Variants in ATAD2B observed in about 807,000 individuals in gnomAD.
ATAD2B encodes the protein ATPase family AAA domain containing 2B.
In ATAD2B, 40 loss-of-function variants were observed where a neutral mutation model predicts 167.6. The ratio of observed to expected loss-of-function variants is 0.24; its 90% confidence interval spans 0.19 to 0.31. The LOEUF is 0.31. ATAD2B is among the 10% of genes least tolerant of loss of function. The probability of loss-of-function intolerance (pLI) is 1.00; values close to 1 mark genes in which losing one functional copy is unlikely to be tolerated. For synonymous variants in ATAD2B, 579 were observed against 596.5 expected (o/e 0.97, Z 0.43); for missense variants, 1,242 against 1,757.2 (o/e 0.71, Z 5.24).
intron 8 of ATAD2B, among the ~76,000 whole-genome samples, chr2:23,875,336 C>A (rs571747850): frequency 2.3e-4 from 35 of 151,970 alleles, no homozygotes; most frequent in African/African-American, 8.4e-4. Flanking sequence ...TCTATCTCTA[C>A]TAAAAATATG....
chr2:23,730,086 A>G, the ATAD2B span, among the ~76,000 whole-genome samples: 1 of 152,208 alleles, frequency 6.6e-6, no homozygotes, highest in Admixed American at 6.5e-5. Context: ...CAATGACAAC[A>G]GAATACACAG....
chr2:23,872,841 T>C, intron 8 of ATAD2B: 1 of 972,118 alleles, frequency 1.0e-6, no homozygotes, highest in Non-Finnish European at 1.7e-6. Context: ...TGCACTGAGG[T>C]GAAGCAGATG....
rs1284308331 is a variant in ATAD2B at position 23,751,216 on chromosome 2, A to AT, written c.*829dup. ...TTTTTTTGTGTGTGGACTGTGTATTATTCTTTGTTGTTATTCATGTTTCTT... is the reference window on the plus strand; with the variant it reads ...TTTTTTTGTGTGTGGACTGTGTATTATTTCTTTGTTGTTATTCATGTTTCTT... On this transcript the variant is annotated 3_prime_UTR_variant, in exon 28 of 28. Transcript: ENST00000238789. The AT allele has an allele frequency of 1.3e-5, 2 of 152,060 alleles. No individual in the cohort carries two copies. The highest frequency in any genetic ancestry group is 2.9e-5 in the Non-Finnish European group (2 of 67,966). The allele number at this position is 152,060 out of a possible 1,614,324, so 9.4% of individuals were successfully genotyped here. A position where few individuals can be genotyped will look rare whatever the true frequency, so the allele number is the denominator to read the frequency against.
chr2:23,718,934 T>C, the ATAD2B span, among the ~76,000 whole-genome samples: 1 of 152,216 alleles, frequency 6.6e-6, no homozygotes, highest in Non-Finnish European at 1.5e-5. Context: ...TCCTTGTGAT[T>C]ACACTGGGCC....
the ATAD2B span, among the ~76,000 whole-genome samples, chr2:23,723,009 T>C: frequency 4.3e-4 from 65 of 152,056 alleles, no homozygotes; most frequent in Non-Finnish European, 8.7e-4. Context: ...AATGGGCAAA[T>C]AGCCAGGTAC....
intron 8 of ATAD2B, among the ~76,000 whole-genome samples, chr2:23,873,279 A>C (rs115015698): frequency 4.8e-4 from 73 of 152,324 alleles, no homozygotes; most frequent in Non-Finnish European, 9.6e-4. Flanking sequence ...TTCAGATAGT[A>C]AACTGAATGC....
At chr2:23,736,748 A>AC in the ATAD2B span, among the ~76,000 whole-genome samples, 2 of 152,154 alleles carry the variant, frequency 1.3e-5, no homozygotes, top group African/African-American at 4.8e-5. Context: ...GTGAGACACC[A>AC]CCTCACCCAG....
intron 17 of ATAD2B, chr2:23,811,195 T>C (rs1195622664): frequency 6.6e-6 from 1 of 152,222 alleles, no homozygotes; most frequent in Non-Finnish European, 1.5e-5. Flanking sequence ...ATCTCACTTT[T>C]TGACAAAGAG....
the ATAD2B span, among the ~76,000 whole-genome samples, chr2:23,702,468 ACTGT>A: frequency 6.6e-6 from 1 of 152,158 alleles, no homozygotes; most frequent in African/African-American, 2.4e-5. Context: ...TAAGTCGGGG[ACTGT>A]CTGCACTATA....
At chr2:23,732,517 A>G in the ATAD2B span, among the ~76,000 whole-genome samples, 2 of 152,362 alleles carry the variant, frequency 1.3e-5, no homozygotes, top group South Asian at 4.1e-4. Context: ...TAGTGGTTAC[A>G]TCTTATAAAT....
chr2:23,759,505 A>C (rs1341712945), intron 24 of ATAD2B, among the ~76,000 whole-genome samples: 2 of 152,200 alleles, frequency 1.3e-5, no homozygotes, highest in African/African-American at 4.8e-5. Flanking sequence ...TTTCATCTTT[A>C]ATTCCTGCTG....
chr2:23,891,802 CCT>C (rs774258454), intron 2 of ATAD2B, among the ~76,000 whole-genome samples: 9 of 151,896 alleles, frequency 5.9e-5, no homozygotes, highest in Non-Finnish European at 1.3e-4. Flanking sequence ...TGCACCTAAC[CCT>C]GTTTCCTGAA....
At chr2:23,781,342 AAATAAATAAAT>A (rs1268602268) in intron 22 of ATAD2B, among the ~76,000 whole-genome samples, 153 of 123,718 alleles carry the variant, frequency 1.2e-3, no homozygotes, top group African/African-American at 7.3e-3. Context: ...AAAAATAAAT[AAATAAATAAAT>A]AAATAAATAA....
At chr2:23,858,974 A>G (rs1022641898) in intron 12 of ATAD2B, among the ~76,000 whole-genome samples, 3 of 152,316 alleles carry the variant, frequency 2.0e-5, no homozygotes, top group South Asian at 2.1e-4. Context: ...AATATAATAA[A>G]TCCTAAAAGT....
At position 23,754,703 on chromosome 2, in the gene ATAD2B, G is replaced by A. The variant is rs1572626247; in HGVS notation, c.4150C>T (p.Pro1384Ser). 1 of 1,613,106 alleles carries A rather than the reference G, an allele frequency of 6.2e-7. No homozygotes were observed. The highest frequency in any genetic ancestry group is 1.3e-5 in the African/African-American group (1 of 74,964). ...QAKTTSLELV[P>S]EEPSEPVPPL... is the part of the protein sequence containing the mutation. ...GGCACAGGCTCAGATGGCTCTTCTG[G>A]AACCAGTTCCAGGCTTGTCGTTTTT... Residue 1384 changes from proline (P) to serine (S), a missense_variant, in exon 26 of 28, where the codon CCA (proline) becomes TCA (serine). By Grantham distance (74) the Pro-to-Ser change is moderately conservative. Around this residue, in one of 9 missense-constraint regions of ATAD2B, gnomAD observed 282 missense variants for 346.8 expected, o/e 0.81. Transcript: ENST00000238789.
At chr2:23,853,741 C>T (rs1692925193) in intron 13 of ATAD2B, among the ~76,000 whole-genome samples, 1 of 152,116 alleles carries the variant, frequency 6.6e-6, no homozygotes, top group Non-Finnish European at 1.5e-5. Context: ...ATGACTACAA[C>T]AATTCTGAAA....
intron 1 of ATAD2B, among the ~76,000 whole-genome samples, chr2:23,911,323 G>C (rs1702268557): frequency 6.6e-6 from 1 of 152,182 alleles, no homozygotes; most frequent in African/African-American, 2.4e-5. Flanking sequence ...GGGAGGCCAA[G>C]GTAGGCAGAT....
chr2:23,787,688 T>C (rs575431407), intron 20 of ATAD2B, among the ~76,000 whole-genome samples: 1 of 151,932 alleles, frequency 6.6e-6, no homozygotes, highest in South Asian at 2.1e-4. Context: ...GGATGGGAAA[T>C]GTATTGAGTA....
intron 7 of ATAD2B, among the ~76,000 whole-genome samples, chr2:23,876,312 T>C (rs1696829563): frequency 6.7e-6 from 1 of 150,260 alleles, no homozygotes; most frequent in Non-Finnish European, 1.5e-5. Context: ...TTTTTTCTTT[T>C]TTTTTTTGAT....
Sources: allele counts gnomAD v4.1 joint callset (sites outside exome capture counted in the v4.1 genomes callset), GRCh38; gene constraint gnomAD v4.1.1; regional missense constraint gnomAD v4.1.1; transcripts MANE v1.5; gene names NCBI Gene and HGNC (gene_info 2026-07-23, HGNC 2026-07-21).